NLGN1: variants seen among roughly 807,000 people sequenced by gnomAD.
The protein encoded by NLGN1 is neuroligin-1.
A neutral mutation model predicts 65.5 loss-of-function variants in NLGN1; 12 were observed. The ratio of observed to expected loss-of-function variants is 0.18; its 90% CI spans 0.12 to 0.30. NLGN1 has a LOEUF of 0.30. Among genes scored for constraint, NLGN1 ranks in the 10% least tolerant of loss-of-function variants. The pLI is 1.00. For missense variants in NLGN1, 750 were observed against 1,007.1 expected, an observed-to-expected ratio of 0.74 and a Z score of 3.46; for synonymous variants, 350 against 359.5, an observed-to-expected ratio of 0.97 and a Z score of 0.30.
intron 2 of NLGN1, among the ~76,000 whole-genome samples, chr3:173,499,649 G>A (rs1024915355): frequency 3.5e-4 from 53 of 151,728 alleles, no homozygotes; most frequent in African/African-American, 1.2e-3. Flanking sequence ...CTCGGGCAGT[G>A]TGGCCATTTT....
At chr3:174,035,494 C>T (rs1279630875) in intron 4 of NLGN1, among the ~76,000 whole-genome samples, 1 of 152,176 alleles carries the variant, frequency 6.6e-6, no homozygotes, top group African/African-American at 2.4e-5. Flanking sequence ...TGATGCCACA[C>T]GATCTCACAT....
In NLGN1 at chr3:174,265,974, ATATATATG is replaced by A. The variant is rs920210800; in HGVS notation, c.647-9325_647-9318del. Among the ~76,000 whole-genome samples the A allele has an allele frequency of 5.8e-4, 86 of 147,674 alleles. 1 individual carries two copies. Among genetic ancestry groups the A allele is most frequent in the South Asian group, 1.3e-3 (6 of 4,756 alleles). ...TGTATGTGTATATATGTGTATAAGT[ATATATATG>A]TATATATGTATATATATATTGCCCT... is the stretch of plus-strand genomic sequence containing the variant. On this transcript the variant is annotated intron_variant, in intron 4 of 6. Coordinates refer to ENST00000457714, the Ensembl canonical transcript of NLGN1.
At chr3:173,835,580 T>TACACACACACACCCACACAC (rs369027554) in intron 4 of NLGN1, among the ~76,000 whole-genome samples, 1 of 146,386 alleles carries the variant, frequency 6.8e-6, no homozygotes, top group Admixed American at 6.9e-5. Flanking sequence ...TTCAAACACA[T>TACACACACACACCCACACAC]ACACACACAC....
At chr3:173,483,580 TAAAGAC>T (rs769429259) in intron 2 of NLGN1, among the ~76,000 whole-genome samples, 5 of 152,122 alleles carry the variant, frequency 3.3e-5, no homozygotes, top group Admixed American at 2.6e-4. Flanking sequence ...TACAAACAGT[TAAAGAC>T]AAAGTTAATG....
chr3:173,484,698 AT>A (rs1240338762), intron 2 of NLGN1, among the ~76,000 whole-genome samples: 1 of 152,186 alleles, frequency 6.6e-6, no homozygotes, highest in Non-Finnish European at 1.5e-5. Flanking sequence ...ACTGGTAAAA[AT>A]TTAAAGCGTA....
In NLGN1 at chr3:173,480,160, T is replaced by C. The variant is rs536426419; in HGVS notation, c.-321+45082T>C. Among the ~76,000 whole-genome samples the C allele has an allele frequency of 8.6e-5, 13 of 151,908 alleles. No homozygotes were observed. In the South Asian group the frequency reaches 2.1e-3, roughly 24 times the overall value. On this transcript the variant is annotated intron_variant, in intron 2 of 6. Coordinates refer to ENST00000457714, the Ensembl canonical transcript of NLGN1. Reference sequence around the variant, plus strand: ...CATCTCTTCTCTGGTCCTCTTTTTTTCCCCCCTTTTTTATTTGTACAAATG... The same window carrying C: ...CATCTCTTCTCTGGTCCTCTTTTTTCCCCCCCTTTTTTATTTGTACAAATG...
intron 4 of NLGN1, among the ~76,000 whole-genome samples, chr3:173,986,669 C>G (rs1341320653): frequency 1.3e-5 from 2 of 152,160 alleles, no homozygotes; most frequent in Non-Finnish European, 2.9e-5. Flanking sequence ...CTTTAGGCTG[C>G]CCGCTTCAGG....
intron 2 of NLGN1, among the ~76,000 whole-genome samples, chr3:173,501,799 A>T (rs1033335536): frequency 4.6e-5 from 7 of 152,084 alleles, no homozygotes; most frequent in African/African-American, 1.7e-4. Flanking sequence ...TAGATAGAAG[A>T]TTTTTATCAA....
chr3:174,090,666 A>G (rs1054073853), intron 4 of NLGN1, among the ~76,000 whole-genome samples: 4 of 152,160 alleles, frequency 2.6e-5, no homozygotes, highest in Non-Finnish European at 5.9e-5. Flanking sequence ...ATAGAGACAC[A>G]TAAAGATCAA....
At chr3:173,548,504 CAT>C (rs1451796214) in intron 2 of NLGN1, among the ~76,000 whole-genome samples, 5 of 148,018 alleles carry the variant, frequency 3.4e-5, no homozygotes, top group African/African-American at 1.2e-4. Context: ...TTTTGTAGAT[CAT>C]GTGATGCTTC....
At chr3:174,069,430 G>T (rs79235684) in intron 4 of NLGN1, among the ~76,000 whole-genome samples, 3,552 of 152,282 alleles carry the variant, frequency 0.023, 121 homozygotes, top group African/African-American at 0.077. Flanking sequence ...CAATTAGAAG[G>T]ATATTGCAGT....
chr3:173,726,389 T>G (rs1771781259), intron 3 of NLGN1, among the ~76,000 whole-genome samples: 1 of 152,024 alleles, frequency 6.6e-6, no homozygotes. Context: ...TTACCTCAGT[T>G]TTCCCATCTT....
At chr3:173,705,455 G>A (rs1031311181) in intron 3 of NLGN1, among the ~76,000 whole-genome samples, 1 of 152,094 alleles carries the variant, frequency 6.6e-6, no homozygotes, top group African/African-American at 2.4e-5. Context: ...TTGCCTTCTG[G>A]GTAATAGATG....
Position 174,094,746 on chromosome 3 carries a change from T to TAACAAAA in NLGN1, c.647-180567_647-180566insCAAAAAA, listed in dbSNP as rs1745148779. Among the ~76,000 whole-genome samples, 51 of 88,900 alleles carry TAACAAAA rather than the reference T, an allele frequency of 5.7e-4. No individual in the cohort carries two copies. In the South Asian group the frequency reaches 0.022, roughly 38 times the overall value. The allele number at this position is 88,900 out of a possible 152,430, so 58.3% of individuals were successfully genotyped here. A position where few individuals can be genotyped will look rare whatever the true frequency, so the allele number is the denominator to read the frequency against. ...CCTGCTCATTGTTCCTTGGCTCCGC[T>TAACAAAA]AAAAAAAAAAAAAAAAAAAAAAAGT... is the stretch of plus-strand genomic sequence containing the variant. On this transcript the variant is annotated intron_variant, in intron 4 of 6. Coordinates refer to ENST00000457714, the Ensembl canonical transcript of NLGN1.
intron 2 of NLGN1, among the ~76,000 whole-genome samples, chr3:173,438,711 AT>A (rs1238211317): frequency 1.3e-5 from 2 of 152,142 alleles, no homozygotes; most frequent in Non-Finnish European, 2.9e-5. Flanking sequence ...TCAAAATGGG[AT>A]TCTAAAGAAA....
At chr3:174,262,001 T>C in intron 4 of NLGN1, among the ~76,000 whole-genome samples, 1 of 144,688 alleles carries the variant, frequency 6.9e-6, no homozygotes, top group Non-Finnish European at 1.5e-5. Context: ...GATTTGCGTA[T>C]ATTGAACCAG....
At chr3:173,573,151 A>G (rs1019490052) in intron 2 of NLGN1, among the ~76,000 whole-genome samples, 2 of 152,234 alleles carry the variant, frequency 1.3e-5, no homozygotes, top group Non-Finnish European at 2.9e-5. Flanking sequence ...CAGGAAGTAC[A>G]GGAGGCTTGG....
intron 4 of NLGN1, among the ~76,000 whole-genome samples, chr3:173,878,476 CTT>C (rs1330388736): frequency 1.3e-5 from 2 of 151,954 alleles, no homozygotes; most frequent in African/African-American, 4.8e-5. Context: ...ATATATAAGA[CTT>C]CGTATAATCA....
intron 2 of NLGN1, among the ~76,000 whole-genome samples, chr3:173,479,051 C>G (rs924760806): frequency 6.6e-6 from 1 of 152,008 alleles, no homozygotes; most frequent in South Asian, 2.1e-4. Context: ...AAAAGTCTTA[C>G]TTGGAGAAGG....
Sources: gnomAD v4.1 joint callset for allele counts (sites outside exome capture counted in the v4.1 genomes callset) on GRCh38, gnomAD v4.1.1 for gene constraint, MANE v1.5 for transcripts, NCBI Gene and HGNC (gene_info 2026-07-23, HGNC 2026-07-21) for gene names.